The following FALEC variants were observed in gnomAD, a reference collection of about 807,000 sequenced individuals.
The protein encoded by FALEC is focally amplified lncRNA regulator of ECM1, also known as focally amplified lncRNA on chromosome 1.
chr1:150,522,983 A>ATTTT (rs1174052488), downstream of FALEC, among the ~76,000 whole-genome samples: 2 of 15,920 alleles, frequency 1.3e-4, no homozygotes, highest in Non-Finnish European at 2.0e-4. Flanking sequence ...ATATATATAT[A>ATTTT]TTTTTTTTTT....
the FALEC span, among the ~76,000 whole-genome samples, chr1:150,536,548 T>C: frequency 6.6e-6 from 1 of 152,086 alleles, no homozygotes; most frequent in African/African-American, 2.4e-5. Context: ...TCACAATACT[T>C]TGGGAGGCTG....
chr1:150,516,456 A>T (rs748457771), intron 1 of FALEC, among the ~76,000 whole-genome samples: 1 of 152,172 alleles, frequency 6.6e-6, no homozygotes, highest in Non-Finnish European at 1.5e-5. Context: ...AGTGCTGAAT[A>T]TGAGGAGGTA....
the FALEC span, among the ~76,000 whole-genome samples, chr1:150,526,404 G>A: frequency 6.7e-6 from 1 of 149,496 alleles, no homozygotes; most frequent in Admixed American, 6.7e-5. Flanking sequence ...TCGCTATGTC[G>A]CCCAGGCTGG....
At chr1:150,530,977 A>T in the FALEC span, among the ~76,000 whole-genome samples, 2 of 152,132 alleles carry the variant, frequency 1.3e-5, no homozygotes, top group African/African-American at 4.8e-5. Context: ...GCCTCTGGGG[A>T]CAGGCCTGGC....
At chr1:150,527,352 G>A in the FALEC span, among the ~76,000 whole-genome samples, 12,762 of 151,546 alleles carry the variant, frequency 0.084, 650 homozygotes, top group African/African-American at 0.11. Context: ...TCTGCCTCCC[G>A]GGTTCAAGCG....
At chr1:150,524,264 C>T in the FALEC span, among the ~76,000 whole-genome samples, 1 of 152,122 alleles carries the variant, frequency 6.6e-6, no homozygotes, top group African/African-American at 2.4e-5. Flanking sequence ...ACACTCTCAC[C>T]TTAGCCAACC....
At chr1:150,522,906 T>C (rs587628402), downstream of FALEC, among the ~76,000 whole-genome samples, 45 of 67,206 alleles carry the variant, frequency 6.7e-4, no homozygotes, top group South Asian at 1.0e-3. Context: ...TATATATACA[T>C]ATATATACAT....
chr1:150,517,362 A>G lies in FALEC; in HGVS notation n.307-411A>G, dbSNP rs587660179. 1.5e-4 allele frequency among the ~76,000 whole-genome samples: 23 copies of G among 150,850 alleles called. No homozygotes were observed. The East Asian group carries it at 4.5e-3, about 29-fold the overall frequency. Reference sequence around the variant, plus strand: ...AGGGGACTTTTTTTAAAAGCTCTTCAGGAGATAGGGTTGAGAGAACCTGTT... The same window carrying G: ...AGGGGACTTTTTTTAAAAGCTCTTCGGGAGATAGGGTTGAGAGAACCTGTT... On this transcript the variant is annotated intron_variant and non_coding_transcript_variant, in intron 1 of 1. Transcript: ENST00000416894.
At chr1:150,532,204 G>T in the FALEC span, among the ~76,000 whole-genome samples, 1 of 152,316 alleles carries the variant, frequency 6.6e-6, no homozygotes, top group East Asian at 1.9e-4. Flanking sequence ...ACCGCACCCG[G>T]CCAGCCTTTG....
the FALEC span, among the ~76,000 whole-genome samples, chr1:150,523,762 A>C: frequency 1.3e-5 from 2 of 151,682 alleles, no homozygotes; most frequent in Non-Finnish European, 2.9e-5. Flanking sequence ...TCCAGGTCCT[A>C]CTCCCTGGAA....
chr1:150,529,296 A>T, the FALEC span, among the ~76,000 whole-genome samples: 1 of 152,238 alleles, frequency 6.6e-6, no homozygotes. Flanking sequence ...CAGCAGAATT[A>T]GAAGATTTCC....
At chr1:150,526,396 G>A in the FALEC span, among the ~76,000 whole-genome samples, 15 of 150,558 alleles carry the variant, frequency 1.0e-4, no homozygotes, top group African/African-American at 1.5e-4. Flanking sequence ...ACAGGGTCTC[G>A]CTATGTCGCC....
At chr1:150,521,598 G>C (rs587649378), downstream of FALEC, among the ~76,000 whole-genome samples, 1 of 152,182 alleles carries the variant, frequency 6.6e-6, no homozygotes, top group Non-Finnish European at 1.5e-5. Flanking sequence ...TAACCACCTG[G>C]AGTTGATTTT....
At chr1:150,521,172 TG>T (rs1203790398), downstream of FALEC, among the ~76,000 whole-genome samples, 1 of 152,234 alleles carries the variant, frequency 6.6e-6, no homozygotes, top group Non-Finnish European at 1.5e-5. Flanking sequence ...ATACATGAAT[TG>T]TTTCCAGTTT....
chr1:150,524,995 GAAA>G, the FALEC span, among the ~76,000 whole-genome samples: 16 of 98,290 alleles, frequency 1.6e-4, no homozygotes, highest in South Asian at 3.6e-4. Flanking sequence ...ACCCTGTCTT[GAAA>G]AAAAAAAAAA....
chr1:150,529,016 CAAAAAA>C, the FALEC span, among the ~76,000 whole-genome samples: 6 of 59,292 alleles, frequency 1.0e-4, no homozygotes, highest in South Asian at 6.7e-4. Context: ...AAATAAATAG[CAAAAAA>C]AAAAAAAAAA....
chr1:150,519,848 G>A (rs1670616230), downstream of FALEC, among the ~76,000 whole-genome samples: 1 of 148,282 alleles, frequency 6.7e-6, no homozygotes, highest in African/African-American at 2.5e-5. Flanking sequence ...GCGAAACTCT[G>A]TCTCAAAAAA....
chr1:150,516,263 C>CG (rs907655429), intron 1 of FALEC, among the ~76,000 whole-genome samples: 6 of 151,270 alleles, frequency 4.0e-5, no homozygotes, highest in South Asian at 2.1e-4. Context: ...AAAAAGGGAG[C>CG]GGGGGGGCTT....
At chr1:150,534,372 C>T in the FALEC span, among the ~76,000 whole-genome samples, 1 of 152,242 alleles carries the variant, frequency 6.6e-6, no homozygotes, top group Non-Finnish European at 1.5e-5. Context: ...CCCGCACCTT[C>T]ATAGAAAGAG....
Sources: gnomAD v4.1 joint callset for allele counts (sites outside exome capture counted in the v4.1 genomes callset) on GRCh38, gnomAD v4.1.1 for gene constraint, MANE v1.5 for transcripts, NCBI Gene and HGNC (gene_info 2026-07-23, HGNC 2026-07-21) for gene names.